The following ADAMTSL3 variants were observed in gnomAD, a reference collection of about 807,000 sequenced individuals.
ADAMTSL3 encodes the protein ADAMTS-like protein 3.
A neutral mutation model predicts 201.7 loss-of-function variants in ADAMTSL3; 128 were observed. The ratio of observed to expected loss-of-function variants is 0.63; its 90% CI spans 0.55 to 0.73. The LOEUF is 0.73. ADAMTSL3 is among the 30% of genes least tolerant of loss of function. The pLI, the probability that ADAMTSL3 is intolerant of heterozygous loss-of-function variation, is 0.00. For synonymous variants in ADAMTSL3, 738 were observed against 748.4 expected, an observed-to-expected ratio of 0.99 and a Z score of 0.23; for missense variants, 1,990 against 2,119.6, an observed-to-expected ratio of 0.94 and a Z score of 1.20.
chr15:83,958,176 A>G (rs776260238), intron 19 of ADAMTSL3, among the ~76,000 whole-genome samples: 2 of 152,188 alleles, frequency 1.3e-5, no homozygotes, highest in Non-Finnish European at 2.9e-5. Flanking sequence ...TCACGAATAA[A>G]TAGCATGACA....
intron 19 of ADAMTSL3, chr15:83,962,052 T>C (rs1240272318): frequency 6.6e-6 from 1 of 152,136 alleles, no homozygotes; most frequent in African/African-American, 2.4e-5. Context: ...AATTGAATCA[T>C]GGGGGCAGTT....
At chr15:83,805,498 A>C (rs780338535) in intron 5 of ADAMTSL3, among the ~76,000 whole-genome samples, 1 of 151,976 alleles carries the variant, frequency 6.6e-6, no homozygotes, top group Admixed American at 6.6e-5. Context: ...TGAAGCTTGC[A>C]GTGAGCCAAG....
At chr15:83,754,920 G>A (rs905880498) in intron 3 of ADAMTSL3, among the ~76,000 whole-genome samples, 6 of 152,054 alleles carry the variant, frequency 3.9e-5, no homozygotes, top group African/African-American at 7.2e-5. Context: ...TTAGTCAATG[G>A]TACTTAATTT....
intron 3 of ADAMTSL3, among the ~76,000 whole-genome samples, chr15:83,728,424 C>T (rs2062214115): frequency 6.6e-6 from 1 of 150,612 alleles, no homozygotes; most frequent in Non-Finnish European, 1.5e-5. Context: ...TCCTCGTTCC[C>T]CCCGCCCCCT....
At chr15:83,716,781 C>T (rs2062026188) in intron 3 of ADAMTSL3, among the ~76,000 whole-genome samples, 1 of 152,126 alleles carries the variant, frequency 6.6e-6, no homozygotes, top group African/African-American at 2.4e-5. Flanking sequence ...GCTTCCAATT[C>T]TCAACGCTTT....
In ADAMTSL3 at chr15:83,899,709, A is replaced by G. The variant is rs753979033; in HGVS notation, c.1678A>G (p.Arg560Gly). ...LKQAQELEET[R>G]IATEEPTFIP... Reference sequence around the variant, plus strand: ...ACAAGCACAAGAACTAGAAGAGACCAGAATAGCAACAGAAGAACCAACGTG... The same window carrying G: ...ACAAGCACAAGAACTAGAAGAGACCGGAATAGCAACAGAAGAACCAACGTG... The change falls in exon 15 of 30, where the codon AGA (arginine) becomes GGA (glycine). Residue 560 changes from arginine (R) to glycine (G), a missense_variant. Coordinates refer to ENST00000286744, the MANE Select transcript of ADAMTSL3 (RefSeq NM_207517.3). 4 of 1,612,004 alleles carry G rather than the reference A, an allele frequency of 2.5e-6. No individual in the cohort carries two copies. The highest frequency in any genetic ancestry group is 2.2e-5 in the South Asian group (2 of 90,864).
rs764147847 is a variant in ADAMTSL3 at position 84,014,527 on chromosome 15, G to A, written c.3974-15G>A. On this transcript the variant is annotated splice_polypyrimidine_tract_variant and intron_variant, in intron 23 of 29. Transcript: ENST00000286744. ...TAAAGGAATTGCCTTTGTCATATTT[G>A]TTTTTGTTCCAAAGGTGTCCCTCAG... 2 of 1,608,876 alleles carry A rather than the reference G, an allele frequency of 1.2e-6. No individual in the cohort carries two copies. Among genetic ancestry groups the A allele is most frequent in the South Asian group, 2.2e-5 (2 of 89,856 alleles).
chr15:83,899,750 G>A lies in ADAMTSL3; in HGVS notation c.1700+19G>A. 1.9e-6 allele frequency: 3 copies of A among 1,607,424 alleles called. No individual in the cohort carries two copies. The highest frequency in any genetic ancestry group is 1.7e-6 in the Non-Finnish European group (2 of 1,176,586). ...AACCAACGTGAGTCCAGGACCTTTT[G>A]TAGGAATAATCAGGGCATAGCCAGT... On this transcript the variant is annotated intron_variant, in intron 15 of 29. Transcript: ENST00000286744.
At chr15:83,712,791 C>T (rs561916810) in intron 3 of ADAMTSL3, among the ~76,000 whole-genome samples, 1 of 152,312 alleles carries the variant, frequency 6.6e-6, no homozygotes, top group East Asian at 1.9e-4. Flanking sequence ...GTCATTTCTG[C>T]ATCTCTCTGG....
At chr15:83,777,837 G>A (rs1352472713) in intron 4 of ADAMTSL3, among the ~76,000 whole-genome samples, 1 of 152,182 alleles carries the variant, frequency 6.6e-6, no homozygotes, top group Non-Finnish European at 1.5e-5. Context: ...AGCTATAGCA[G>A]TATGTTGAAA....
chr15:83,951,093 C>G (rs1234360032), intron 19 of ADAMTSL3, among the ~76,000 whole-genome samples: 1 of 149,758 alleles, frequency 6.7e-6, no homozygotes, highest in African/African-American at 2.5e-5. Context: ...TTGTCTTTTT[C>G]CAGATATTAC....
intron 17 of ADAMTSL3, among the ~76,000 whole-genome samples, chr15:83,931,979 A>G (rs2066367571): frequency 1.3e-5 from 2 of 152,262 alleles, no homozygotes; most frequent in African/African-American, 4.8e-5. Context: ...AGAGAAACAA[A>G]TGAAAATAAA....
intron 9 of ADAMTSL3, among the ~76,000 whole-genome samples, chr15:83,882,159 AAAAG>A (rs779395189): frequency 6.6e-6 from 1 of 152,216 alleles, no homozygotes; most frequent in African/African-American, 2.4e-5. Context: ...CTGTGTCAAA[AAAAG>A]AAAGAAAGAA....
At chr15:83,862,892 A>G (rs2064896051) in intron 8 of ADAMTSL3, 1 of 152,204 alleles carries the variant, frequency 6.6e-6, no homozygotes, top group African/African-American at 2.4e-5. Context: ...GTGCAGAGAC[A>G]CACATAGGCT....
intron 19 of ADAMTSL3, among the ~76,000 whole-genome samples, chr15:83,954,654 G>C (rs547399584): frequency 8.5e-5 from 13 of 152,242 alleles, no homozygotes; most frequent in African/African-American, 3.1e-4. Context: ...TGTCCTTCTT[G>C]GGAAGCCTTT....
At chr15:83,728,059 A>G (rs539333584) in intron 3 of ADAMTSL3, among the ~76,000 whole-genome samples, 3 of 152,098 alleles carry the variant, frequency 2.0e-5, no homozygotes, top group South Asian at 4.2e-4. Flanking sequence ...TGTTGGGTGC[A>G]TACATATTTA....
chr15:83,839,932 G>A (rs1346531025), intron 7 of ADAMTSL3, among the ~76,000 whole-genome samples: 1 of 152,140 alleles, frequency 6.6e-6, no homozygotes, highest in Non-Finnish European at 1.5e-5. Context: ...GTATCTTTCT[G>A]ATGCCTGCAA....
At chr15:83,752,900 T>C (rs1301572136) in intron 3 of ADAMTSL3, among the ~76,000 whole-genome samples, 1 of 152,216 alleles carries the variant, frequency 6.6e-6, no homozygotes, top group African/African-American at 2.4e-5. Flanking sequence ...AACTCTCTCA[T>C]CCATCAAGAT....
At chr15:83,818,883 T>C (rs1486174993) in intron 5 of ADAMTSL3, among the ~76,000 whole-genome samples, 1 of 152,192 alleles carries the variant, frequency 6.6e-6, no homozygotes, top group Admixed American at 6.5e-5. Context: ...ACAAGCTATG[T>C]TTTCTGCCGT....
Sources: gnomAD v4.1 joint callset for allele counts (sites outside exome capture counted in the v4.1 genomes callset) on GRCh38, gnomAD v4.1.1 for gene constraint, MANE v1.5 for transcripts, NCBI Gene and HGNC (gene_info 2026-07-23, HGNC 2026-07-21) for gene names.